Variants in CTNNA3 observed in about 807,000 individuals in gnomAD.
CTNNA3 encodes the protein catenin alpha-3.
Under a neutral mutation model 95.7 loss-of-function variants are expected in CTNNA3, and 76 were observed. The ratio of observed to expected loss-of-function variants is 0.79; its 90% CI spans 0.66 to 0.96. The LOEUF is 0.96. CTNNA3 is among the 40% of genes least tolerant of loss of function. The probability of loss-of-function intolerance (pLI) is 0.00; values close to 1 mark genes in which losing one functional copy is unlikely to be tolerated. For synonymous variants in CTNNA3, 431 were observed against 374.4 expected (o/e 1.15, Z -1.74); for missense variants, 1,191 against 1,089.8 (o/e 1.09, Z -1.31).
chr10:66,454,586 C>T (rs2093483723), intron 11 of CTNNA3, among the ~76,000 whole-genome samples: 1 of 151,730 alleles, frequency 6.6e-6, no homozygotes, highest in African/African-American at 2.4e-5. Context: ...GACTTGAATT[C>T]ATAATTTAAA....
intron 1 of CTNNA3, among the ~76,000 whole-genome samples, chr10:67,657,231 C>G (rs566077318): frequency 6.6e-6 from 1 of 152,004 alleles, no homozygotes; most frequent in African/African-American, 2.4e-5. Context: ...GCAAGAGGAG[C>G]AGGAAGAAGA....
chr10:66,385,036 A>G (rs2092877665), intron 11 of CTNNA3, among the ~76,000 whole-genome samples: 1 of 152,204 alleles, frequency 6.6e-6, no homozygotes, highest in African/African-American at 2.4e-5. Flanking sequence ...AAAGAACTAG[A>G]GAAGCAAGAG....
chr10:66,367,762 T>C (rs1194013876), intron 12 of CTNNA3, among the ~76,000 whole-genome samples: 1 of 149,044 alleles, frequency 6.7e-6, no homozygotes, highest in East Asian at 1.9e-4. Context: ...GGTAGAGTAA[T>C]GCATTTTACA....
intron 13 of CTNNA3, among the ~76,000 whole-genome samples, chr10:66,128,995 T>C (rs1034868538): frequency 7.3e-5 from 11 of 151,700 alleles, no homozygotes; most frequent in African/African-American, 2.7e-4. Context: ...CTGGGCGCAG[T>C]GGCTCATGCC....
chr10:67,313,499 G>A (rs1411623594), intron 5 of CTNNA3, among the ~76,000 whole-genome samples: 5 of 152,008 alleles, frequency 3.3e-5, no homozygotes, highest in Non-Finnish European at 7.4e-5. Flanking sequence ...GCAAATCACT[G>A]AAGTATACAA....
chr10:66,083,752 T>C (rs2080861307), intron 14 of CTNNA3, among the ~76,000 whole-genome samples: 1 of 152,078 alleles, frequency 6.6e-6, no homozygotes, highest in Non-Finnish European at 1.5e-5. Flanking sequence ...GTCCCAAATA[T>C]AAGTATAGGT....
chr10:66,412,835 A>G (rs2093118145), intron 11 of CTNNA3, among the ~76,000 whole-genome samples: 1 of 152,132 alleles, frequency 6.6e-6, no homozygotes, highest in African/African-American at 2.4e-5. Context: ...AAAACTTGAA[A>G]AAAAAATGAA....
At chr10:67,001,994 C>G (rs1358444587) in intron 7 of CTNNA3, among the ~76,000 whole-genome samples, 1 of 152,096 alleles carries the variant, frequency 6.6e-6, no homozygotes, top group African/African-American at 2.4e-5. Context: ...GGGTATGAGT[C>G]TTAGAGTCCG....
intron 7 of CTNNA3, among the ~76,000 whole-genome samples, chr10:67,088,641 C>T (rs1857443917): frequency 2.0e-5 from 3 of 151,952 alleles, no homozygotes; most frequent in African/African-American, 7.2e-5. Flanking sequence ...AGAACTGTGA[C>T]CTTTCAAATA....
At chr10:67,499,402 T>C (rs1169997541) in intron 5 of CTNNA3, among the ~76,000 whole-genome samples, 1 of 152,174 alleles carries the variant, frequency 6.6e-6, no homozygotes, top group South Asian at 2.1e-4. Context: ...TTCTTTTTTG[T>C]TGTGTCTCTG....
chr10:66,694,208 C>T (rs1373544492), intron 9 of CTNNA3, among the ~76,000 whole-genome samples: 1 of 151,968 alleles, frequency 6.6e-6, no homozygotes. Context: ...AATTGATAGA[C>T]CGCTAGCAAG....
At chr10:66,193,270 T>A (rs529598498) in intron 13 of CTNNA3, among the ~76,000 whole-genome samples, 4 of 152,138 alleles carry the variant, frequency 2.6e-5, no homozygotes, top group Non-Finnish European at 5.9e-5. Flanking sequence ...CAGAGAAAGA[T>A]CCTGGCCAGA....
intron 12 of CTNNA3, among the ~76,000 whole-genome samples, chr10:66,339,102 T>C (rs959735677): frequency 2.0e-5 from 3 of 151,880 alleles, no homozygotes; most frequent in East Asian, 1.9e-4. Context: ...AAAATCTATG[T>C]ATTTTTTGTT....
intron 5 of CTNNA3, among the ~76,000 whole-genome samples, chr10:67,442,284 T>C (rs911983820): frequency 1.3e-5 from 2 of 151,240 alleles, no homozygotes; most frequent in Non-Finnish European, 3.0e-5. Context: ...ATCACCTTCA[T>C]GGGGAAAAAA....
intron 12 of CTNNA3, among the ~76,000 whole-genome samples, chr10:66,311,880 T>G (rs368496665): frequency 2.0e-5 from 3 of 152,320 alleles, no homozygotes; most frequent in African/African-American, 7.2e-5. Flanking sequence ...ACGTAGATGA[T>G]AAGACTTTTT....
At chr10:66,689,184 G>A (rs1847421048) in intron 9 of CTNNA3, among the ~76,000 whole-genome samples, 1 of 152,066 alleles carries the variant, frequency 6.6e-6, no homozygotes, top group South Asian at 2.1e-4. Context: ...GACACTTAGG[G>A]CAGAGGGGGA....
At chr10:66,959,165 T>C (rs1848988536) in intron 7 of CTNNA3, among the ~76,000 whole-genome samples, 3 of 152,186 alleles carry the variant, frequency 2.0e-5, no homozygotes, top group Non-Finnish European at 2.9e-5. Context: ...ACAGCAGAAG[T>C]TGGCTTAGTG....
chr10:66,223,476 C>T (rs569022488), intron 13 of CTNNA3, among the ~76,000 whole-genome samples: 1 of 152,252 alleles, frequency 6.6e-6, no homozygotes, highest in Admixed American at 6.5e-5. Context: ...ATTATTCACA[C>T]TAAATAGGAT....
At chr10:67,426,953 A>G (rs1564641960) in intron 5 of CTNNA3, among the ~76,000 whole-genome samples, 1 of 152,088 alleles carries the variant, frequency 6.6e-6, no homozygotes, top group Non-Finnish European at 1.5e-5. Flanking sequence ...TTTTTTCCAG[A>G]TTCAGTCATC....
Sources: gnomAD v4.1 joint callset for allele counts (sites outside exome capture counted in the v4.1 genomes callset) on GRCh38, gnomAD v4.1.1 for gene constraint, MANE v1.5 for transcripts, NCBI Gene and HGNC (gene_info 2026-07-23, HGNC 2026-07-21) for gene names.